The following HK1 variants were observed in gnomAD, a reference collection of about 807,000 sequenced individuals.
The protein encoded by HK1 is hexokinase 1.
HK1 carries 28 observed loss-of-function variants against 91.6 expected under a neutral mutation model. The ratio of observed to expected loss-of-function variants is 0.31; its 90% confidence interval spans 0.23 to 0.42. The LOEUF is 0.42. Among genes scored for constraint, HK1 ranks in the 10% least tolerant of loss-of-function variants. HK1 has a pLI of 1.00. For missense variants in HK1, 770 were observed against 1,219.8 expected (o/e 0.63, Z 5.49); for synonymous variants, 430 against 468.1 (o/e 0.92, Z 1.05).
intron 1 of HK1, among the ~76,000 whole-genome samples, chr10:69,275,781 A>G (rs1007736428): frequency 2.0e-5 from 3 of 152,060 alleles, no homozygotes; most frequent in African/African-American, 7.2e-5. Flanking sequence ...AGTGCTTTTC[A>G]TGTGCACTTA....
chr10:69,312,681 A>C (rs1042082324), upstream of HK1, among the ~76,000 whole-genome samples: 1 of 152,208 alleles, frequency 6.6e-6, no homozygotes, highest in African/African-American at 2.4e-5. Flanking sequence ...AAACTGAATA[A>C]GCCCGAGAGA....
At chr10:69,400,597 T>C (rs1441960049) in intron 17 of HK1, among the ~76,000 whole-genome samples, 1 of 152,222 alleles carries the variant, frequency 6.6e-6, no homozygotes, top group East Asian at 1.9e-4. Flanking sequence ...GAGGTCCCCC[T>C]GGAGCCTCAA....
intron 9 of HK1, among the ~76,000 whole-genome samples, chr10:69,381,613 G>T (rs577218821): frequency 6.6e-6 from 1 of 150,884 alleles, no homozygotes; most frequent in East Asian, 2.0e-4. Context: ...GAGCGGAGTG[G>T]TGTGCTCTCA....
rs565107682 is a variant in HK1 at position 69,325,200 on chromosome 10, T to C, written c.63+6190T>C. 1.5e-3 allele frequency among the ~76,000 whole-genome samples: 203 copies of C among 134,554 alleles called. 3 individuals carry two copies. In the East Asian group the frequency reaches 0.036, roughly 24 times the overall value. The allele number at this position is 134,554 out of a possible 152,430, so 88.3% of individuals were successfully genotyped here. A position where few individuals can be genotyped will look rare whatever the true frequency, so the allele number is the denominator to read the frequency against. On this transcript the variant is annotated intron_variant, in intron 1 of 17. Transcript: ENST00000359426. ...CTGAGTAGCTGGGACTACAGGCGCC[T>C]GCCACCACTCCCGTCTAATTTTTTG...
intron 1 of HK1, among the ~76,000 whole-genome samples, chr10:69,272,112 C>A (rs997992015): frequency 1.3e-5 from 2 of 152,188 alleles, no homozygotes; most frequent in Non-Finnish European, 2.9e-5. Context: ...GATCCGCCTG[C>A]CTTGGCCTCC....
chr10:69,335,070 C>T (rs1847909513), intron 1 of HK1, among the ~76,000 whole-genome samples: 1 of 152,062 alleles, frequency 6.6e-6, no homozygotes, highest in Non-Finnish European at 1.5e-5. Flanking sequence ...TTTAGGGACC[C>T]CACTAGATCA....
chr10:69,298,336 A>G (rs1221356482), intron 4 of HK1, among the ~76,000 whole-genome samples: 1 of 151,898 alleles, frequency 6.6e-6, no homozygotes, highest in African/African-American at 2.4e-5. Context: ...TGCATAAAAA[A>G]TGTGGGTTGA....
chr10:69,329,086 T>G (rs769552276), intron 1 of HK1, among the ~76,000 whole-genome samples: 1 of 152,214 alleles, frequency 6.6e-6, no homozygotes, highest in Non-Finnish European at 1.5e-5. Context: ...CTTCCACTCT[T>G]TTCGGCTGTT....
Position 69,369,287 on chromosome 10 carries a change from G to A in HK1, c.642G>A (p.Met214Ile). 6.2e-7 allele frequency: 1 copy of A among 1,614,240 alleles called. No homozygotes were observed. Among genetic ancestry groups the A allele is most frequent in the Non-Finnish European group, 8.5e-7 (1 of 1,180,024 alleles). The change falls in exon 6 of 18, where the codon ATG becomes ATA. Residue 214 changes from methionine (M) to isoleucine (I), a missense_variant. This residue lies in a region of HK1 where 449 missense variants were observed against 665.1 expected (regional missense o/e 0.68). Coordinates refer to ENST00000359426, the MANE Select transcript of HK1 (RefSeq NM_000188.3). The surrounding 1 kb of genome is among the most constrained non-coding windows in gnomAD (Gnocchi z 4.4). ...VAVVNDTVGT[M>I]MTCGYDDQHC... ...TGGTGAATGACACAGTGGGCACCAT[G>A]ATGACCTGTGGCTATGACGACCAGC...
chr10:69,311,410 A>G (rs539496690), upstream of HK1, among the ~76,000 whole-genome samples: 1 of 152,290 alleles, frequency 6.6e-6, no homozygotes, highest in East Asian at 1.9e-4. Context: ...GAAAGGATTG[A>G]GGACTTTTTC....
intron 2 of HK1, among the ~76,000 whole-genome samples, chr10:69,287,844 A>C (rs1325619329): frequency 6.6e-6 from 1 of 152,154 alleles, no homozygotes; most frequent in Non-Finnish European, 1.5e-5. Context: ...TGAGATTTTA[A>C]AAGTCGTAAG....
At chr10:69,325,796 C>T (rs567677102) in intron 1 of HK1, among the ~76,000 whole-genome samples, 38 of 151,290 alleles carry the variant, frequency 2.5e-4, no homozygotes, top group African/African-American at 5.6e-4. Context: ...CTTGGCCTCC[C>T]GAAATGCTGG....
chr10:69,274,094 T>A (rs1844318999), intron 1 of HK1, among the ~76,000 whole-genome samples: 1 of 152,032 alleles, frequency 6.6e-6, no homozygotes, highest in Non-Finnish European at 1.5e-5. Flanking sequence ...GCAGCTAAGG[T>A]GATGGACTGA....
chr10:69,363,870 G>A (rs887028595), intron 3 of HK1, among the ~76,000 whole-genome samples: 1 of 152,224 alleles, frequency 6.6e-6, no homozygotes, highest in Non-Finnish European at 1.5e-5. Context: ...GCACAGGCAA[G>A]CTTAAGCTAC....
At chr10:69,304,831 T>C (rs1846034032) in intron 5 of HK1, among the ~76,000 whole-genome samples, 1 of 152,266 alleles carries the variant, frequency 6.6e-6, no homozygotes, top group African/African-American at 2.4e-5. Flanking sequence ...TTCCTGCTCA[T>C]GTGGTTGTTT....
chr10:69,397,333 AT>A (rs1456127796), intron 16 of HK1, among the ~76,000 whole-genome samples: 1 of 152,250 alleles, frequency 6.6e-6, no homozygotes, highest in African/African-American at 2.4e-5. Context: ...TGAGTTGAGA[AT>A]AGCCATCCTA....
At chr10:69,334,081 C>T (rs1162043603) in intron 1 of HK1, among the ~76,000 whole-genome samples, 1 of 152,076 alleles carries the variant, frequency 6.6e-6, no homozygotes, top group African/African-American at 2.4e-5. Context: ...ACTGTACTCT[C>T]CAGCCTGGTG....
chr10:69,290,955 C>G (rs559891803), intron 3 of HK1, among the ~76,000 whole-genome samples: 1 of 152,320 alleles, frequency 6.6e-6, no homozygotes, highest in Non-Finnish European at 1.5e-5. Flanking sequence ...TTCCTCTTAG[C>G]CGTTGGGTCT....
chr10:69,295,301 C>T (rs183996622), intron 3 of HK1, among the ~76,000 whole-genome samples: 44 of 152,328 alleles, frequency 2.9e-4, no homozygotes, highest in African/African-American at 1.0e-3. Context: ...CTGACCGGCA[C>T]ATCTGTCTTT....
Sources: allele counts gnomAD v4.1 joint callset (sites outside exome capture counted in the v4.1 genomes callset), GRCh38; gene constraint gnomAD v4.1.1; regional missense constraint gnomAD v4.1.1; non-coding constraint Gnocchi (gnomAD v3.1); transcripts MANE v1.5; gene names NCBI Gene and HGNC (gene_info 2026-07-23, HGNC 2026-07-21).